Variants in PAN3 observed in about 807,000 individuals in gnomAD.
PAN3 encodes poly(A) specific ribonuclease subunit PAN3.
A neutral mutation model predicts 96.2 loss-of-function variants in PAN3; 19 were observed. That is an observed-to-expected ratio of 0.20 (90% CI 0.14 to 0.29). PAN3 has a LOEUF of 0.29. Among genes scored for constraint, PAN3 ranks in the 10% least tolerant of loss-of-function variants. PAN3 has a pLI of 1.00. For synonymous variants in PAN3, 433 were observed against 406.6 expected (o/e 1.06, Z -0.78); for missense variants, 882 against 1,108.1 (o/e 0.80, Z 2.90).
At chr13:28,233,562 C>T (rs889240852) in intron 6 of PAN3, among the ~76,000 whole-genome samples, 10 of 152,066 alleles carry the variant, frequency 6.6e-5, no homozygotes, top group African/African-American at 1.9e-4. Context: ...CCACCATGAC[C>T]GGCCTGGAAA....
intron 6 of PAN3, among the ~76,000 whole-genome samples, chr13:28,228,844 G>A (rs1882261629): frequency 1.3e-5 from 2 of 152,156 alleles, no homozygotes. Context: ...GTGCGAGGTG[G>A]TGTAAGTTAA....
upstream of PAN3, chr13:28,138,531 A>G (rs1167625708): frequency 1.8e-5 from 2 of 111,094 alleles, no homozygotes; most frequent in Non-Finnish European, 3.4e-5. Context: ...CGGCTCCCGC[A>G]GCGGGACAGA....
chr13:28,243,558 T>G (rs923246691), intron 6 of PAN3, among the ~76,000 whole-genome samples: 3 of 152,236 alleles, frequency 2.0e-5, no homozygotes, highest in African/African-American at 7.2e-5. Context: ...ACCAGAAGTC[T>G]ACGGCAGTGT....
chr13:28,141,468 T>C lies in PAN3; in HGVS notation c.430+2381T>C, dbSNP rs28410484. 3.5e-3 allele frequency among the ~76,000 whole-genome samples: 442 copies of C among 127,784 alleles called. 2 individuals carry two copies. The highest frequency in any genetic ancestry group is 0.012 in the African/African-American group (320 of 27,678). The allele number at this position is 127,784 out of a possible 152,430, so 83.8% of individuals were successfully genotyped here. On this transcript the variant is annotated intron_variant, in intron 1 of 18. Transcript: ENST00000380958. ...ATTTTCTTTTTCTTTTTTTCTTTTT[T>C]TTTTTTTTTTTTTTTTGAGACGGAG...
At chr13:28,198,990 A>G (rs1303536043) in intron 5 of PAN3, among the ~76,000 whole-genome samples, 2 of 152,242 alleles carry the variant, frequency 1.3e-5, no homozygotes, top group African/African-American at 4.8e-5. Context: ...TAAAGATAAG[A>G]AAAGACAGGG....
Position 28,138,888 on chromosome 13 carries a change from G to C in PAN3, c.231G>C (p.Pro77=), listed in dbSNP as rs756810469. The stretch of plus-strand genomic sequence containing the variant: ...AGGACCCTGCCGCCGGGGCTGCCCC[G>C]GGCCTCGGCCTCCATAGCAACAGCG... ...LHEDPAAGAA[P]GLGLHSNSVP... The change falls in exon 1 of 19, where the codon CCG becomes CCC. Residue 77 remains proline, a synonymous_variant. Transcript: ENST00000380958. The C allele has an allele frequency of 1.4e-6, 2 of 1,409,474 alleles. No individual in the cohort carries two copies. Among genetic ancestry groups the C allele is most frequent in the African/African-American group, 1.5e-5 (1 of 67,118 alleles). The allele number at this position is 1,409,474 out of a possible 1,614,324, so 87.3% of individuals were successfully genotyped here. A position where few individuals can be genotyped will look rare whatever the true frequency, so the allele number is the denominator to read the frequency against.
chr13:28,254,665 AAAAT>A (rs1222856704), intron 6 of PAN3, among the ~76,000 whole-genome samples: 1 of 152,010 alleles, frequency 6.6e-6, no homozygotes, highest in Non-Finnish European at 1.5e-5. Flanking sequence ...TTTAAAAAAT[AAAAT>A]AAAAGGTTTA....
rs377198462 is a variant in PAN3, at chr13:28,260,456, A to C, written c.1258A>C (p.Asn420His). 2 of 1,611,330 alleles carry C rather than the reference A, an allele frequency of 1.2e-6. No homozygotes were observed. Among genetic ancestry groups the C allele is most frequent in the South Asian group, 2.2e-5 (2 of 91,016 alleles). ...CTTCCTACCTTTTTAGGTGTTTCCA[A>C]ACTATCATATTTATCCTCCAACTGC... ...PAPLTGMVFP[N>H]YHIYPPTAPH... is the part of the protein sequence containing the mutation. The change falls in exon 8 of 19, where the codon AAC becomes CAC. Residue 420 changes from asparagine to histidine, a missense_variant. This residue lies in a region of PAN3 where 364 missense variants were observed against 513.6 expected (regional missense o/e 0.71). Transcript: ENST00000380958.
intron 1 of PAN3, among the ~76,000 whole-genome samples, chr13:28,161,120 G>A (rs1331855964): frequency 1.3e-5 from 2 of 152,048 alleles, no homozygotes; most frequent in African/African-American, 2.4e-5. Flanking sequence ...ATGTTTGACT[G>A]AAATATTTTT....
chr13:28,169,058 C>T (rs1873949000), intron 1 of PAN3, among the ~76,000 whole-genome samples: 1 of 151,282 alleles, frequency 6.6e-6, no homozygotes, highest in African/African-American at 2.4e-5. Flanking sequence ...TCCATGGAAA[C>T]AGTGTAGGAT....
chr13:28,159,177 A>G (rs1293248398), intron 1 of PAN3, among the ~76,000 whole-genome samples: 5 of 152,210 alleles, frequency 3.3e-5, no homozygotes, highest in African/African-American at 1.2e-4. Context: ...CACTCTTCAC[A>G]ATAGCAAAGA....
intron 6 of PAN3, among the ~76,000 whole-genome samples, chr13:28,226,058 C>CT (rs1018538504): frequency 1.3e-5 from 2 of 152,050 alleles, no homozygotes; most frequent in African/African-American, 4.8e-5. Context: ...GGAAACTGTT[C>CT]TTTTTTTGGG....
chr13:28,272,163 AT>A (rs1886667575), intron 14 of PAN3, 92 bp downstream of exon 14: 2 of 858,828 alleles, frequency 2.3e-6, no homozygotes, highest in Admixed American at 6.0e-5. Flanking sequence ...TTAAGCCTAG[AT>A]TTTAATTTAT....
chr13:28,210,759 A>T (rs1273586674), intron 5 of PAN3, among the ~76,000 whole-genome samples: 1 of 152,198 alleles, frequency 6.6e-6, no homozygotes, highest in African/African-American at 2.4e-5. Flanking sequence ...AACAACAAAA[A>T]AAACCTTATG....
At chr13:28,219,249 G>T (rs1881128472) in intron 5 of PAN3, among the ~76,000 whole-genome samples, 1 of 152,174 alleles carries the variant, frequency 6.6e-6, no homozygotes, top group African/African-American at 2.4e-5. Context: ...GGCAGTAAAA[G>T]ATTGATTCTG....
intron 4 of PAN3, among the ~76,000 whole-genome samples, chr13:28,181,027 G>GT (rs1019903045): frequency 2.6e-5 from 4 of 152,268 alleles, no homozygotes; most frequent in East Asian, 1.9e-4. Context: ...TTTGAATTGG[G>GT]TTTTTTGTGG....
chr13:28,189,579 A>C (rs927079454), intron 4 of PAN3, among the ~76,000 whole-genome samples: 2 of 152,136 alleles, frequency 1.3e-5, no homozygotes, highest in African/African-American at 4.8e-5. Flanking sequence ...CCAAGGGGGC[A>C]AGGAGCTACA....
chr13:28,292,766 C>G lies in PAN3; in HGVS notation c.*244C>G. ...TTTATTTTAGATTTAGGAGCACCATCAGGTGAATGATGTTCCTGCTTTTGT... is the reference window on the plus strand; with the variant it reads ...TTTATTTTAGATTTAGGAGCACCATGAGGTGAATGATGTTCCTGCTTTTGT... On this transcript the variant is annotated 3_prime_UTR_variant, in exon 19 of 19. Transcript: ENST00000380958. 3.2e-6 allele frequency: 1 copy of G among 313,706 alleles called. No homozygotes were observed. Among genetic ancestry groups the G allele is most frequent in the South Asian group, 1.2e-4 (1 of 8,390 alleles). The allele number at this position is 313,706 out of a possible 1,614,324, so 19.4% of individuals were successfully genotyped here. A position where few individuals can be genotyped will look rare whatever the true frequency, so the allele number is the denominator to read the frequency against.
At chr13:28,253,376 A>G (rs1171120795) in intron 6 of PAN3, among the ~76,000 whole-genome samples, 2 of 152,104 alleles carry the variant, frequency 1.3e-5, no homozygotes, top group Non-Finnish European at 2.9e-5. Flanking sequence ...AATACAGAAT[A>G]CCTCTCTCCA....
Sources: allele counts gnomAD v4.1 joint callset (sites outside exome capture counted in the v4.1 genomes callset), GRCh38; gene constraint gnomAD v4.1.1; regional missense constraint gnomAD v4.1.1; transcripts MANE v1.5; gene names NCBI Gene and HGNC (gene_info 2026-07-23, HGNC 2026-07-21).